PCDHGA1: variants seen among roughly 807,000 people sequenced by gnomAD.
PCDHGA1 encodes the protein protocadherin gamma subfamily A, 1, also known as protocadherin gamma-A1.
A neutral mutation model predicts 58.0 loss-of-function variants in PCDHGA1; 32 were observed. That is an observed-to-expected ratio of 0.55 (90% confidence interval 0.42 to 0.74). The LOEUF (loss-of-function observed/expected upper bound fraction) is 0.74, where lower values mean the gene tolerates loss of function less well. Among genes scored for constraint, PCDHGA1 ranks in the 30% least tolerant of loss-of-function variants. The pLI, the probability that PCDHGA1 is intolerant of heterozygous loss-of-function variation, is 0.00. For missense variants in PCDHGA1, 1,205 were observed against 1,182.3 expected (o/e 1.02, Z -0.28); for synonymous variants, 498 against 501.1 (o/e 0.99, Z 0.08).
chr5:141,339,307 T>C (rs760608147), intron 1 of PCDHGA1: 3 of 1,614,156 alleles, frequency 1.9e-6, no homozygotes, highest in Non-Finnish European at 2.5e-6. Context: ...TGCTGGAGGA[T>C]AAATTGACTA....
chr5:141,340,326 T>A (rs772276108), intron 1 of PCDHGA1: 2 of 1,613,994 alleles, frequency 1.2e-6, no homozygotes, highest in Non-Finnish European at 1.7e-6. Context: ...GCACCCGCCT[T>A]CTCCCGCACA....
chr5:141,357,217 G>A, intron 1 of PCDHGA1: 1 of 1,613,820 alleles, frequency 6.2e-7, no homozygotes, highest in Non-Finnish European at 8.5e-7. Flanking sequence ...AGATGTCCTG[G>A]CTGACTTGGG....
rs150106838 is a variant in PCDHGA1, at chr5:141,503,886, T to C, written c.2481-1507T>C. On this transcript the variant is annotated intron_variant, in intron 2 of 3. Coordinates refer to ENST00000517417, the MANE Select transcript of PCDHGA1 (RefSeq NM_018912.3). Reference sequence around the variant, plus strand: ...AGTTCTTGGTTGTGCTCACCCACCATGACAAAATATGCACACACACAACGC... The same window carrying C: ...AGTTCTTGGTTGTGCTCACCCACCACGACAAAATATGCACACACACAACGC... Among the ~76,000 whole-genome samples, 20 of 152,290 alleles carry C rather than the reference T, an allele frequency of 1.3e-4. No individual in the cohort carries two copies. The South Asian group carries it at 3.9e-3, about 30-fold the overall frequency.
chr5:141,415,690 G>C (rs1218128531), intron 1 of PCDHGA1: 4 of 1,512,972 alleles, frequency 2.6e-6, no homozygotes, highest in Non-Finnish European at 3.6e-6. Context: ...CATGATGGTG[G>C]AAAGTGTAAA....
intron 1 of PCDHGA1, among the ~76,000 whole-genome samples, chr5:141,401,533 C>T (rs998579261): frequency 5.9e-5 from 9 of 151,790 alleles, no homozygotes; most frequent in South Asian, 2.1e-4. Context: ...AAGAAACTTA[C>T]AAAAAAAAGG....
At chr5:141,435,575 C>T (rs1054936213) in intron 1 of PCDHGA1, among the ~76,000 whole-genome samples, 2 of 152,088 alleles carry the variant, frequency 1.3e-5, no homozygotes, top group South Asian at 2.1e-4. Context: ...AGTACTGGGG[C>T]AAATTTGCAG....
rs1348646863 is a variant in PCDHGA1 at position 141,356,379 on chromosome 5, A to T, written c.2421+23274A>T. The T allele has an allele frequency of 9.6e-6, 15 of 1,565,488 alleles. No individual in the cohort carries two copies. In the East Asian group the frequency reaches 3.6e-4, roughly 37 times the overall value. ...CTATTCCAGATAATCTGCCATTCAC[A>T]CTTGAAAAGACCTATGGAAATTATT... On this transcript the variant is annotated intron_variant, in intron 1 of 3. Transcript: ENST00000517417.
rs770391604 is a variant in PCDHGA1, at chr5:141,431,437, G to A, written c.2422-63370G>A. On this transcript the variant is annotated intron_variant, in intron 1 of 3. Coordinates refer to ENST00000517417, the MANE Select transcript of PCDHGA1 (RefSeq NM_018912.3). The surrounding 1 kb of genome is among the most constrained non-coding windows in gnomAD (Gnocchi z 4.8). ...GCGACCCGGTGCGCACAGGCACCGC[G>A]CGCATCCGCGTGATGGTTCTGGATG... The A allele has an allele frequency of 7.4e-6, 12 of 1,613,710 alleles. No homozygotes were observed. In the East Asian group the frequency reaches 2.5e-4, roughly 33 times the overall value.
chr5:141,372,000 G>C (rs762846056), intron 1 of PCDHGA1: 3 of 1,613,268 alleles, frequency 1.9e-6, no homozygotes, highest in Middle Eastern at 1.7e-4. Context: ...GCAGGCCCGC[G>C]ACCAGGGCTC....
chr5:141,500,403 G>GT (rs2099800018), intron 2 of PCDHGA1, among the ~76,000 whole-genome samples: 1 of 151,706 alleles, frequency 6.6e-6, no homozygotes, highest in Non-Finnish European at 1.5e-5. Context: ...TAGAGACGGG[G>GT]TTTCACCGTG....
chr5:141,335,243 C>T (rs1443902133), intron 1 of PCDHGA1, among the ~76,000 whole-genome samples: 1 of 151,984 alleles, frequency 6.6e-6, no homozygotes, highest in African/African-American at 2.4e-5. Context: ...GCTACATTTA[C>T]CTATTAAAGG....
At chr5:141,458,662 C>T (rs948275548) in intron 1 of PCDHGA1, among the ~76,000 whole-genome samples, 3 of 152,064 alleles carry the variant, frequency 2.0e-5, no homozygotes, top group East Asian at 1.9e-4. Flanking sequence ...CTCCACCTCT[C>T]GGGTTCAAGC....
intron 1 of PCDHGA1, among the ~76,000 whole-genome samples, chr5:141,447,162 G>A (rs1213550616): frequency 6.6e-6 from 1 of 151,700 alleles, no homozygotes; most frequent in African/African-American, 2.4e-5. Flanking sequence ...TTGTTTAAGC[G>A]GGGTCTTGCT....
At chr5:141,383,599 G>C in intron 1 of PCDHGA1, 1 of 1,613,742 alleles carries the variant, frequency 6.2e-7, no homozygotes. Context: ...GACAGTGGTG[G>C]ATGTGAATGA....
intron 1 of PCDHGA1, chr5:141,355,177 A>T (rs373402171): frequency 1.9e-6 from 3 of 1,579,772 alleles, no homozygotes; most frequent in Non-Finnish European, 2.6e-6. Context: ...ACCGAAGCAC[A>T]GGCGACTCCG....
rs776595643 is a variant in PCDHGA1, at chr5:141,331,397, ATCC to A, written c.717_719del (p.Pro240del). On this transcript the variant is annotated inframe_deletion, in exon 1 of 4. Transcript: ENST00000517417. The stretch of plus-strand genomic sequence containing the variant: ...ATTCAGGTGGTGGATGCAAATGACA[ATCC>A]TCCAGCATTTACTCAGGCACAATAC... The A allele has an allele frequency of 4.5e-5, 73 of 1,613,958 alleles. No individual in the cohort carries two copies. Among genetic ancestry groups the A allele is most frequent in the Non-Finnish European group, 5.8e-5 (68 of 1,180,040 alleles).
In PCDHGA1 at chr5:141,500,527, A is replaced by C. The variant is rs937551961; in HGVS notation, c.2481-4866A>C. On this transcript the variant is annotated intron_variant, in intron 2 of 3. Transcript: ENST00000517417. ...CCTGGCCGAGCTTCATTTTAAAAAA[A>C]TCTCATTCACCTAAATAAGTTGTTC... is the stretch of plus-strand genomic sequence containing the variant. 5.9e-5 allele frequency among the ~76,000 whole-genome samples: 9 copies of C among 152,298 alleles called. No individual in the cohort carries two copies. The South Asian group carries it at 6.2e-4, about 11-fold the overall frequency.
At chr5:141,479,798 G>A (rs892288776) in intron 1 of PCDHGA1, among the ~76,000 whole-genome samples, 3 of 152,116 alleles carry the variant, frequency 2.0e-5, no homozygotes, top group African/African-American at 7.2e-5. Flanking sequence ...ATTAATTCAG[G>A]GTGGTATGCA....
At chr5:141,496,869 A>G (rs2099772006) in intron 2 of PCDHGA1, among the ~76,000 whole-genome samples, 1 of 150,116 alleles carries the variant, frequency 6.7e-6, no homozygotes, top group African/African-American at 2.5e-5. Context: ...GAGACTGAAA[A>G]TTTGCAACAA....
Sources: allele counts gnomAD v4.1 joint callset (sites outside exome capture counted in the v4.1 genomes callset), GRCh38; gene constraint gnomAD v4.1.1; non-coding constraint Gnocchi (gnomAD v3.1); transcripts MANE v1.5; gene names NCBI Gene and HGNC (gene_info 2026-07-23, HGNC 2026-07-21).